The following FCAR variants were observed in gnomAD, a reference collection of about 807,000 sequenced individuals.
The protein encoded by FCAR is immunoglobulin alpha Fc receptor.
Under a neutral mutation model 27.1 loss-of-function variants are expected in FCAR, and 21 were observed. The ratio of observed to expected loss-of-function variants is 0.77; its 90% CI spans 0.55 to 1.11. FCAR has a LOEUF of 1.11. Ranked by LOEUF, FCAR falls within the 50% of genes most tolerant of loss-of-function variation. FCAR has a pLI of 0.00. For missense variants in FCAR, 404 were observed against 358.4 expected (o/e 1.13, Z -1.03); for synonymous variants, 134 against 135.8 (o/e 0.99, Z 0.09).
intron 1 of FCAR, among the ~76,000 whole-genome samples, chr19:54,874,722 T>C (rs968790874): frequency 6.6e-6 from 1 of 152,346 alleles, no homozygotes; most frequent in African/African-American, 2.4e-5. Flanking sequence ...TGAAGATTTT[T>C]GCATTTATGT....
At position 54,885,488 on chromosome 19, in the gene FCAR, G is replaced by T. The variant is rs1865096; in HGVS notation, c.324G>T (p.Arg108Ser). 3.7e-6 allele frequency: 6 copies of T among 1,613,142 alleles called. No individual in the cohort carries two copies. The highest frequency in any genetic ancestry group is 5.1e-6 in the Non-Finnish European group (6 of 1,179,328). ...YQCQYRIGHYRFRYSDTLELV... is the reference protein window; with the variant it reads ...YQCQYRIGHYSFRYSDTLELV... ...GCCAATATAGGATAGGGCACTACAG[G>T]TTCCGGTACAGTGACACCCTGGAGC... Residue 108 changes from arginine (R) to serine (S), a missense_variant, in exon 3 of 5, where the codon AGG becomes AGT. Coordinates refer to ENST00000355524, the MANE Select transcript of FCAR (RefSeq NM_002000.4).
At chr19:54,877,409 G>A (rs1465356346) in intron 2 of FCAR, among the ~76,000 whole-genome samples, 1 of 152,136 alleles carries the variant, frequency 6.6e-6, no homozygotes, top group African/African-American at 2.4e-5. Flanking sequence ...AATATTCTCT[G>A]ATGATTGTAT....
intron 2 of FCAR, 26 bp downstream of exon 2, chr19:54,875,391 G>A: frequency 1.2e-6 from 2 of 1,606,594 alleles, no homozygotes; most frequent in Non-Finnish European, 1.7e-6. Flanking sequence ...ATCTCTCCCA[G>A]CCCCTTTAGA....
chr19:54,879,042 C>G, intron 2 of FCAR, among the ~76,000 whole-genome samples: 1 of 130,192 alleles, frequency 7.7e-6, no homozygotes, highest in South Asian at 3.0e-4. Flanking sequence ...CCACGCCCAG[C>G]TATTTTTTTT....
intron 2 of FCAR, chr19:54,880,957 T>G (rs2145868361): frequency 6.6e-6 from 1 of 152,384 alleles, no homozygotes. Context: ...TCTCACGCTC[T>G]GAAAGTGCGG....
intron 3 of FCAR, among the ~76,000 whole-genome samples, chr19:54,887,228 T>C (rs769833963): frequency 3.9e-5 from 6 of 152,336 alleles, no homozygotes; most frequent in African/African-American, 1.2e-4. Flanking sequence ...TAGGATCACC[T>C]GAGCCTGGGA....
In FCAR at chr19:54,889,811, A is replaced by C. The variant is rs761552903; in HGVS notation, c.812A>C (p.Gln271Pro). 6.2e-7 allele frequency: 1 copy of C among 1,611,118 alleles called. No individual in the cohort carries two copies. Among genetic ancestry groups the C allele is most frequent in the African/African-American group, 1.3e-5 (1 of 74,932 alleles). ...ADVAEPSWSQQMCQPGLTFAR... is the reference protein window; with the variant it reads ...ADVAEPSWSQPMCQPGLTFAR... ...GTGGCTGAACCGAGCTGGAGCCAAC[A>C]GATGTGTCAGCCAGGATTGACCTTT... Residue 271 changes from glutamine (Q) to proline (P), a missense_variant, in exon 5 of 5, where the codon CAG (glutamine) becomes CCG (proline). Gln to Pro is a moderately conservative substitution (Grantham distance 76). Coordinates refer to ENST00000355524, the MANE Select transcript of FCAR (RefSeq NM_002000.4).
At position 54,889,961 on chromosome 19, in the gene FCAR, C is replaced by G. The variant is rs988123114; in HGVS notation, c.*98C>G. 35 of 882,980 alleles carry G rather than the reference C, an allele frequency of 4.0e-5. No homozygotes were observed. The highest frequency in any genetic ancestry group is 5.8e-5 in the Non-Finnish European group (33 of 573,906). The allele number at this position is 882,980 out of a possible 1,614,324, so 54.7% of individuals were successfully genotyped here. A position where few individuals can be genotyped will look rare whatever the true frequency, so the allele number is the denominator to read the frequency against. ...GAAAAGCTCACTAAGAAGCTTGAAT[C>G]TACTTTTTTTTTTTTTTGAGACAGA... On this transcript the variant is annotated 3_prime_UTR_variant, in exon 5 of 5. Transcript: ENST00000355524.
At chr19:54,887,355 T>C (rs188340397) in intron 3 of FCAR, among the ~76,000 whole-genome samples, 24 of 152,272 alleles carry the variant, frequency 1.6e-4, no homozygotes, top group African/African-American at 5.5e-4. Flanking sequence ...GCACTGTGGT[T>C]CACGCCTGTA....
intron 2 of FCAR, among the ~76,000 whole-genome samples, chr19:54,877,289 T>C (rs946025057): frequency 1.3e-5 from 2 of 152,212 alleles, no homozygotes; most frequent in African/African-American, 4.8e-5. Flanking sequence ...TCATTATTGG[T>C]CTGTTCATGT....
chr19:54,876,920 T>C (rs1247339598), intron 2 of FCAR, among the ~76,000 whole-genome samples: 1 of 152,134 alleles, frequency 6.6e-6, no homozygotes, highest in African/African-American at 2.4e-5. Context: ...GACTCCTATA[T>C]CGAATCAACC....
intron 2 of FCAR, among the ~76,000 whole-genome samples, chr19:54,881,762 C>G (rs1254840359): frequency 2.0e-5 from 3 of 152,110 alleles, no homozygotes; most frequent in Non-Finnish European, 2.9e-5. Flanking sequence ...GTCCCAGCTA[C>G]TCGGGAGGAG....
At position 54,885,357 on chromosome 19, in the gene FCAR, A is replaced by G; in HGVS notation, c.193A>G (p.Asn65Asp). The G allele has an allele frequency of 6.2e-7, 1 of 1,613,984 alleles. No individual in the cohort carries two copies. Among genetic ancestry groups the G allele is most frequent in the Non-Finnish European group, 8.5e-7 (1 of 1,180,006 alleles). Residue 65 changes from asparagine to aspartate, a missense_variant, in exon 3 of 5, where the codon AAC becomes GAC. Physicochemically the swap from Asn to Asp is conservative, Grantham distance 23. Coordinates refer to ENST00000355524, the MANE Select transcript of FCAR (RefSeq NM_002000.4). ...CCTGACCCAGCTGATGATCATAAAA[A>G]ACTCCACGTACCGAGAGATAGGCAG... The part of the protein sequence containing the change: ...AYLTQLMIIK[N>D]STYREIGRRL...
At chr19:54,877,386 T>C (rs1295549554) in intron 2 of FCAR, among the ~76,000 whole-genome samples, 1 of 152,228 alleles carries the variant, frequency 6.6e-6, no homozygotes, top group African/African-American at 2.4e-5. Context: ...TTTGTGTGCA[T>C]AGAGGTGTTC....
rs2067020131 is a variant in FCAR at position 54,890,497 on chromosome 19, G to A, written c.*634G>A. On this transcript the variant is annotated 3_prime_UTR_variant, in exon 5 of 5. Transcript: ENST00000355524. ...GGCTGGAGTGCAGTGGCACGATCTC[G>A]GCTCACTGCAACCTCTGCCTCCTGG... 3 of 151,330 alleles carry A rather than the reference G, an allele frequency of 2.0e-5. No homozygotes were observed. Among genetic ancestry groups the A allele is most frequent in the African/African-American group, 4.9e-5 (2 of 41,188 alleles). The allele number at this position is 151,330 out of a possible 1,614,324, so 9.4% of individuals were successfully genotyped here.
chr19:54,885,663 C>T (rs1467128227), intron 3 of FCAR, 138 bp downstream of exon 3: 12 of 629,708 alleles, frequency 1.9e-5, no homozygotes, highest in Non-Finnish European at 3.0e-5. Flanking sequence ...ATCTGGCACC[C>T]CACTTCCCCC....
chr19:54,881,533 G>A (rs2066410344), intron 2 of FCAR, among the ~76,000 whole-genome samples: 1 of 152,098 alleles, frequency 6.6e-6, no homozygotes, highest in Admixed American at 6.5e-5. Flanking sequence ...CTCACAGGGA[G>A]AGGAGACTGA....
At chr19:54,878,150 C>T (rs2066204419) in intron 2 of FCAR, among the ~76,000 whole-genome samples, 1 of 152,162 alleles carries the variant, frequency 6.6e-6, no homozygotes, top group African/African-American at 2.4e-5. Flanking sequence ...ATCTCCTGAC[C>T]TCATGATCCG....
In FCAR at chr19:54,875,350, A is replaced by G. The variant is rs553154190; in HGVS notation, c.55A>G (p.Ile19Val). The change falls in exon 2 of 5, where the codon ATT (isoleucine) becomes GTT (valine). Residue 19 changes from isoleucine to valine, a missense_variant. Coordinates refer to ENST00000355524, the MANE Select transcript of FCAR (RefSeq NM_002000.4). The part of the protein sequence containing the change: ...LCLVLCLGQR[I>V]QAQEGDFPMP... ...TCCAGTGCTCTGTCTGGGCCAGAGGATTCAGGCACAGGAAGGTAAGTGTCC... is the reference window on the plus strand; with the variant it reads ...TCCAGTGCTCTGTCTGGGCCAGAGGGTTCAGGCACAGGAAGGTAAGTGTCC... 20 of 1,613,814 alleles carry G rather than the reference A, an allele frequency of 1.2e-5. No homozygotes were observed. The East Asian group carries it at 4.0e-4, about 32-fold the overall frequency.
Sources: gnomAD v4.1 joint callset for allele counts (sites outside exome capture counted in the v4.1 genomes callset) on GRCh38, gnomAD v4.1.1 for gene constraint, MANE v1.5 for transcripts, NCBI Gene and HGNC (gene_info 2026-07-23, HGNC 2026-07-21) for gene names.